The following FHIT variants were observed in gnomAD, a reference collection of about 807,000 sequenced individuals.
FHIT encodes fragile histidine triad diadenosine triphosphatase.
FHIT carries 19 observed loss-of-function variants against 17.9 expected under a neutral mutation model. The ratio of observed to expected loss-of-function variants is 1.06; its 90% CI spans 0.74 to 1.56. The LOEUF (loss-of-function observed/expected upper bound fraction) is 1.56, where lower values mean the gene tolerates loss of function less well. FHIT is among the 40% of genes most tolerant of loss of function. The pLI is 0.00. For missense variants in FHIT, 248 were observed against 189.2 expected (o/e 1.31, Z -1.82); for synonymous variants, 81 against 69.7 (o/e 1.16, Z -0.81).
At chr3:60,324,446 G>A (rs1273016868) in intron 5 of FHIT, among the ~76,000 whole-genome samples, 10 of 152,028 alleles carry the variant, frequency 6.6e-5, no homozygotes, top group Admixed American at 2.0e-4. Flanking sequence ...TTAGCCGGGC[G>A]TGGTGGCGGG....
At chr3:60,785,974 C>T (rs1700562122) in intron 4 of FHIT, among the ~76,000 whole-genome samples, 2 of 150,068 alleles carry the variant, frequency 1.3e-5, no homozygotes, top group South Asian at 4.2e-4. Context: ...AAGAGATTAT[C>T]TACAGAGATA....
intron 7 of FHIT, among the ~76,000 whole-genome samples, chr3:60,008,993 AT>A (rs1299217103): frequency 6.6e-6 from 1 of 152,190 alleles, no homozygotes; most frequent in Non-Finnish European, 1.5e-5. Flanking sequence ...AAATAAGTAG[AT>A]TTGGAATAAG....
chr3:61,157,748 C>T (rs1440452583), intron 2 of FHIT, among the ~76,000 whole-genome samples: 1 of 151,958 alleles, frequency 6.6e-6, no homozygotes, highest in Non-Finnish European at 1.5e-5. Context: ...ACATATGTAC[C>T]AGGAAATGTG....
intron 8 of FHIT, among the ~76,000 whole-genome samples, chr3:59,868,556 G>C (rs1702764462): frequency 6.6e-6 from 1 of 152,310 alleles, no homozygotes; most frequent in African/African-American, 2.4e-5. Flanking sequence ...GTACCACGTG[G>C]TTTACAGTGC....
chr3:59,830,064 C>A (rs1319350845), intron 8 of FHIT, among the ~76,000 whole-genome samples: 1 of 151,924 alleles, frequency 6.6e-6, no homozygotes, highest in Non-Finnish European at 1.5e-5. Flanking sequence ...TGACAGAGAC[C>A]CTGTCTCAAA....
chr3:60,238,010 G>C (rs1021884897), intron 5 of FHIT, among the ~76,000 whole-genome samples: 1 of 152,000 alleles, frequency 6.6e-6, no homozygotes, highest in African/African-American at 2.4e-5. Flanking sequence ...GCCAGGAATG[G>C]TGGTACATGC....
At chr3:59,988,158 G>T (rs1314703818) in intron 7 of FHIT, among the ~76,000 whole-genome samples, 1 of 152,038 alleles carries the variant, frequency 6.6e-6, no homozygotes, top group Admixed American at 6.6e-5. Flanking sequence ...AAATTCTCAG[G>T]CAGCCTCCAA....
At chr3:60,597,859 T>G (rs1475143495) in intron 4 of FHIT, among the ~76,000 whole-genome samples, 4 of 152,138 alleles carry the variant, frequency 2.6e-5, no homozygotes, top group African/African-American at 9.7e-5. Flanking sequence ...TGAGAGATAT[T>G]GAGCCAGGAC....
chr3:60,196,675 T>A (rs1702654108), intron 5 of FHIT, among the ~76,000 whole-genome samples: 1 of 152,058 alleles, frequency 6.6e-6, no homozygotes. Context: ...TGGCCTAGGA[T>A]GTGTAACATA....
intron 7 of FHIT, among the ~76,000 whole-genome samples, chr3:59,932,329 AG>A (rs1706013662): frequency 6.6e-6 from 1 of 152,220 alleles, no homozygotes; most frequent in Admixed American, 6.5e-5. Context: ...CAGAACAAAA[AG>A]AACAGATAAA....
chr3:61,179,562 A>G (rs1211617274), intron 2 of FHIT, among the ~76,000 whole-genome samples: 2 of 151,694 alleles, frequency 1.3e-5, no homozygotes, highest in Non-Finnish European at 2.9e-5. Context: ...AACTAAATTA[A>G]CCAGGTGTGG....
rs1232655887 is a variant in FHIT at position 59,971,430 on chromosome 3, G to A, written c.279+39941C>T. ...GAATTGCTATGTCTGAAGGGTCCTGGTTCAAGAGGTGATTTCAGTAAGACA... is the reference window on the plus strand; with the variant it reads ...GAATTGCTATGTCTGAAGGGTCCTGATTCAAGAGGTGATTTCAGTAAGACA... On this transcript the variant is annotated intron_variant, in intron 7 of 9. Coordinates refer to ENST00000492590, the MANE Select transcript of FHIT (RefSeq NM_002012.4). Among the ~76,000 whole-genome samples, 6 of 152,052 alleles carry A rather than the reference G, an allele frequency of 3.9e-5. No homozygotes were observed. The South Asian group carries it at 8.3e-4, about 21-fold the overall frequency.
chr3:60,007,471 A>C (rs960160385), intron 7 of FHIT, among the ~76,000 whole-genome samples: 2 of 152,210 alleles, frequency 1.3e-5, no homozygotes, highest in Non-Finnish European at 2.9e-5. Flanking sequence ...TCCAACAAGC[A>C]ACAAGCAAAG....
chr3:60,032,434 G>A (rs1171970528), intron 5 of FHIT, among the ~76,000 whole-genome samples: 1 of 149,878 alleles, frequency 6.7e-6, no homozygotes, highest in Non-Finnish European at 1.5e-5. Context: ...CCTAGGTGAA[G>A]GAGCAAGACC....
intron 5 of FHIT, among the ~76,000 whole-genome samples, chr3:60,518,837 C>T (rs954153950): frequency 6.6e-6 from 1 of 152,006 alleles, no homozygotes; most frequent in Non-Finnish European, 1.5e-5. Context: ...GGGGAAACTT[C>T]GTCTCTACTA....
chr3:61,096,010 T>C (rs2035626886), intron 2 of FHIT, among the ~76,000 whole-genome samples: 1 of 152,210 alleles, frequency 6.6e-6, no homozygotes, highest in South Asian at 2.1e-4. Flanking sequence ...AAGGACCTCA[T>C]CTGCACTCTA....
intron 7 of FHIT, among the ~76,000 whole-genome samples, chr3:59,991,822 C>T (rs559656219): frequency 1.1e-4 from 16 of 152,016 alleles, no homozygotes; most frequent in Non-Finnish European, 2.1e-4. Context: ...AGGCTCATGC[C>T]AGTCCCTTTG....
At chr3:61,189,328 T>G (rs1422914365) in intron 2 of FHIT, among the ~76,000 whole-genome samples, 1 of 152,144 alleles carries the variant, frequency 6.6e-6, no homozygotes. Flanking sequence ...GAACTCCCAT[T>G]CACAATTGCT....
At chr3:60,719,941 G>C (rs2041772572) in intron 4 of FHIT, among the ~76,000 whole-genome samples, 1 of 152,012 alleles carries the variant, frequency 6.6e-6, no homozygotes, top group Non-Finnish European at 1.5e-5. Flanking sequence ...ATCTCCTCTT[G>C]CTTCCTTCTA....
Sources: gnomAD v4.1 joint callset for allele counts (sites outside exome capture counted in the v4.1 genomes callset) on GRCh38, gnomAD v4.1.1 for gene constraint, MANE v1.5 for transcripts, NCBI Gene and HGNC (gene_info 2026-07-23, HGNC 2026-07-21) for gene names.